Variants in MYLK observed in about 807,000 individuals in gnomAD.
The protein encoded by MYLK is myosin light chain kinase, smooth muscle.
In MYLK, 106 loss-of-function variants were observed where a neutral mutation model predicts 203.4. The observed-to-expected ratio is 0.52, with a 90% confidence interval of 0.45 to 0.61. MYLK has a LOEUF of 0.61. Among genes scored for constraint, MYLK ranks in the 20% least tolerant of loss-of-function variants. MYLK has a pLI of 0.00. For missense variants in MYLK, 2,072 were observed against 2,442.3 expected (o/e 0.85, Z 3.20); for synonymous variants, 867 against 959.5 (o/e 0.90, Z 1.78).
intron 11 of MYLK, among the ~76,000 whole-genome samples, chr3:123,729,893 A>T (rs2062417549): frequency 6.6e-6 from 1 of 151,970 alleles, no homozygotes. Context: ...AAAAAAAAAA[A>T]AAAATCATAG....
intron 24 of MYLK, among the ~76,000 whole-genome samples, chr3:123,650,434 TGAGA>T (rs929809646): frequency 2.8e-4 from 43 of 152,090 alleles, no homozygotes; most frequent in African/African-American, 1.0e-3. Context: ...TGTGTGTGTG[TGAGA>T]GAGAGTGGGC....
chr3:123,877,721 TGC>T (rs2033251567), intron 1 of MYLK, among the ~76,000 whole-genome samples: 1 of 152,218 alleles, frequency 6.6e-6, no homozygotes, highest in African/African-American at 2.4e-5. Context: ...AGCCACCTGC[TGC>T]TTCCTCATGA....
chr3:123,809,163 C>A (rs1244611382), intron 3 of MYLK, among the ~76,000 whole-genome samples: 3 of 152,192 alleles, frequency 2.0e-5, no homozygotes, highest in Non-Finnish European at 4.4e-5. Context: ...AAGGCCACAA[C>A]ATTTCAGGGA....
intron 12 of MYLK, among the ~76,000 whole-genome samples, chr3:123,724,407 G>C (rs577634784): frequency 6.6e-6 from 1 of 152,202 alleles, no homozygotes; most frequent in African/African-American, 2.4e-5. Context: ...ACTTAGTCTA[G>C]ACTCCGTTAT....
chr3:123,825,420 T>C (rs2066082681), intron 3 of MYLK, among the ~76,000 whole-genome samples: 1 of 152,116 alleles, frequency 6.6e-6, no homozygotes, highest in African/African-American at 2.4e-5. Context: ...AAGGAAAAGA[T>C]AAGCAGAAGA....
chr3:123,720,065 T>C (rs1003521929), intron 13 of MYLK, among the ~76,000 whole-genome samples: 2 of 152,234 alleles, frequency 1.3e-5, no homozygotes, highest in African/African-American at 4.8e-5. Context: ...TCACCATTTA[T>C]GGTATCTGAG....
chr3:123,770,185 G>C (rs905712707), intron 4 of MYLK, among the ~76,000 whole-genome samples: 4 of 151,732 alleles, frequency 2.6e-5, no homozygotes, highest in African/African-American at 9.7e-5. Flanking sequence ...TTAGCTGGGC[G>C]TGGTGGCGGG....
chr3:123,666,076 A>T, intron 22 of MYLK, 143 bp downstream of exon 22: 1 of 1,297,304 alleles, frequency 7.7e-7, no homozygotes, highest in Non-Finnish European at 1.1e-6. Flanking sequence ...CAGGTGAGCG[A>T]TGGGTAGGGG....
chr3:123,707,811 G>C lies in MYLK; in HGVS notation c.2333C>G (p.Thr778Ser), dbSNP rs778090693. The change falls in exon 16 of 34, where the codon ACC becomes AGC. Residue 778 changes from threonine (T) to serine (S), a missense_variant. By Grantham distance (58) the Thr-to-Ser change is moderately conservative. Transcript: ENST00000360304. Reference sequence around the variant, plus strand: ...GGGCTGCACCTTCTTTAGAACCAGGGTGAACACGTCCTCATTCTGAAGCAC... The same window carrying C: ...GGGCTGCACCTTCTTTAGAACCAGGCTGAACACGTCCTCATTCTGAAGCAC... ...FEVLQNEDVF[T>S]LVLKKVQPWH... is the part of the protein sequence containing the mutation. 1.9e-6 allele frequency: 3 copies of C among 1,614,210 alleles called. No homozygotes were observed. The highest frequency in any genetic ancestry group is 1.7e-6 in the Non-Finnish European group (2 of 1,180,034).
At chr3:123,637,619 G>C (rs1449195032) in intron 29 of MYLK, among the ~76,000 whole-genome samples, 3 of 152,174 alleles carry the variant, frequency 2.0e-5, no homozygotes, top group Admixed American at 1.3e-4. Flanking sequence ...CAAAGATGAG[G>C]CTAGTAGTTG....
chr3:123,838,429 A>T (rs1198125832), intron 2 of MYLK, among the ~76,000 whole-genome samples: 2 of 152,226 alleles, frequency 1.3e-5, no homozygotes, highest in Admixed American at 6.5e-5. Flanking sequence ...CAGAAGGGAT[A>T]TGTCAGACAG....
At position 123,700,129 on chromosome 3, in the gene MYLK, C is replaced by T. The variant is rs2061124534; in HGVS notation, c.3339G>A (p.Lys1113=). The change falls in exon 18 of 34, where the codon AAG becomes AAA. Residue 1113 remains lysine (K), a synonymous_variant. Transcript: ENST00000360304. Reference sequence around the variant, plus strand: ...ACACCTGGCACTGGAGCAGCAGCTTCTTGCCCTCTGCCACATGAACATCTT... The same window carrying T: ...ACACCTGGCACTGGAGCAGCAGCTTTTTGCCCTCTGCCACATGAACATCTT... ...KLQDVHVAEG[K]KLLLQCQVSS... The T allele has an allele frequency of 6.2e-7, 1 of 1,613,974 alleles. No homozygotes were observed. The highest frequency in any genetic ancestry group is 8.5e-7 in the Non-Finnish European group (1 of 1,179,970).
intron 29 of MYLK, among the ~76,000 whole-genome samples, chr3:123,631,217 G>A (rs9828547): frequency 6.6e-5 from 10 of 152,226 alleles, no homozygotes; most frequent in African/African-American, 2.4e-4. Flanking sequence ...GGCCAACACG[G>A]TGAAGTCCTG....
chr3:123,789,491 T>G (rs956806704), intron 4 of MYLK, among the ~76,000 whole-genome samples: 1 of 152,078 alleles, frequency 6.6e-6, no homozygotes, highest in African/African-American at 2.4e-5. Flanking sequence ...CAGACAGGTC[T>G]CCTGCTCTGC....
At chr3:123,871,556 C>A (rs918002381) in intron 2 of MYLK, among the ~76,000 whole-genome samples, 1 of 152,114 alleles carries the variant, frequency 6.6e-6, no homozygotes, top group Non-Finnish European at 1.5e-5. Context: ...TATAAATATT[C>A]TGTCTTTTAG....
intron 20 of MYLK, among the ~76,000 whole-genome samples, chr3:123,678,134 A>C (rs1002882648): frequency 1.3e-5 from 2 of 151,842 alleles, no homozygotes; most frequent in Admixed American, 1.3e-4. Flanking sequence ...GAAGTGACAT[A>C]GATCGAGCTC....
At chr3:123,657,972 C>A (rs1464469425) in intron 23 of MYLK, among the ~76,000 whole-genome samples, 1 of 152,190 alleles carries the variant, frequency 6.6e-6, no homozygotes, top group Non-Finnish European at 1.5e-5. Context: ...CAAGTTTGAA[C>A]ACAGATCTGT....
chr3:123,634,842 A>AGT (rs1228286268), intron 29 of MYLK, among the ~76,000 whole-genome samples: 2 of 152,180 alleles, frequency 1.3e-5, no homozygotes, highest in Admixed American at 6.5e-5. Context: ...CCCGTATGGA[A>AGT]GTGTGGCCTC....
At chr3:123,743,639 G>C (rs1406149336) in intron 5 of MYLK, among the ~76,000 whole-genome samples, 2 of 152,138 alleles carry the variant, frequency 1.3e-5, no homozygotes, top group Non-Finnish European at 2.9e-5. Flanking sequence ...CTGAGAAAAA[G>C]GAGAGGCCAA....
Sources: allele counts gnomAD v4.1 joint callset (sites outside exome capture counted in the v4.1 genomes callset), GRCh38; gene constraint gnomAD v4.1.1; transcripts MANE v1.5; gene names NCBI Gene and HGNC (gene_info 2026-07-23, HGNC 2026-07-21).